The following CDYL variants were observed in gnomAD, a reference collection of about 807,000 sequenced individuals.
CDYL encodes chromodomain Y-like protein.
CDYL carries 8 observed loss-of-function variants against 47.3 expected under a neutral mutation model. The ratio of observed to expected loss-of-function variants is 0.17; its 90% CI spans 0.10 to 0.31. The LOEUF (loss-of-function observed/expected upper bound fraction) is 0.31, where lower values mean the gene tolerates loss of function less well. Ranked by LOEUF, CDYL falls within the 10% of genes least tolerant of loss-of-function variation. The pLI is 1.00. For missense variants in CDYL, 471 were observed against 701.4 expected (o/e 0.67, Z 3.71); for synonymous variants, 266 against 265.0 (o/e 1.00, Z -0.04).
At chr6:4,771,956 G>A (rs1758344168), upstream of CDYL, among the ~76,000 whole-genome samples, 1 of 152,050 alleles carries the variant, frequency 6.6e-6, no homozygotes, top group African/African-American at 2.4e-5. Flanking sequence ...CCAAAAATGG[G>A]GTAATGTATA....
At chr6:4,710,006 T>C (rs1461352517) in intron 1 of CDYL, among the ~76,000 whole-genome samples, 1 of 152,058 alleles carries the variant, frequency 6.6e-6, no homozygotes, top group Non-Finnish European at 1.5e-5. Context: ...AGATTGTCTG[T>C]GTTCAGGAGT....
chr6:4,832,559 T>C (rs1276998101), intron 1 of CDYL, among the ~76,000 whole-genome samples: 4 of 150,602 alleles, frequency 2.7e-5, no homozygotes, highest in East Asian at 1.9e-4. Context: ...TGTCTCTGCC[T>C]GGCTTTGGTA....
intron 1 of CDYL, among the ~76,000 whole-genome samples, chr6:4,818,716 A>G (rs924771766): frequency 1.3e-5 from 2 of 152,200 alleles, no homozygotes; most frequent in African/African-American, 4.8e-5. Context: ...AGGGAGGCAC[A>G]GTTGTATTCC....
chr6:4,904,763 G>A (rs565097330), intron 2 of CDYL, among the ~76,000 whole-genome samples: 3 of 152,270 alleles, frequency 2.0e-5, no homozygotes, highest in Admixed American at 6.5e-5. Context: ...GAGAGGGAGC[G>A]TGTTGCCAGG....
In CDYL at chr6:4,739,520, C is replaced by CAA. The variant is rs34838574; in HGVS notation, c.186+4691_186+4692dup. ...GGGTGACAAGAGTAAAACTCTGACT[C>CAA]AAAAAAAAAAAAAAAAGTTGAGTAA... On this transcript the variant is annotated intron_variant, in intron 3 of 8. Transcript: ENST00000328908. Among the ~76,000 whole-genome samples the CAA allele has an allele frequency of 5.2e-4, 42 of 80,302 alleles. 1 individual carries two copies. The highest frequency in any genetic ancestry group is 2.3e-3 in the East Asian group (7 of 2,996). The allele number at this position is 80,302 out of a possible 152,430, so 52.7% of individuals were successfully genotyped here.
In CDYL at chr6:4,751,000, C is replaced by G. The variant is rs375226315; in HGVS notation, c.186+16156C>G. ...CCCGAGTAGCTGGGACTACAGGCAC[C>G]CGCCACCACGCCCGGCTAATTTTTT... On this transcript the variant is annotated intron_variant, in intron 3 of 8. Transcript: ENST00000328908. Among the ~76,000 whole-genome samples the G allele has an allele frequency of 3.2e-3, 490 of 151,494 alleles. 20 individuals are homozygous for G. The South Asian group carries it at 0.075, about 23-fold the overall frequency.
chr6:4,797,328 C>T (rs113575948), intron 1 of CDYL, among the ~76,000 whole-genome samples: 1,550 of 152,086 alleles, frequency 0.01, 38 homozygotes, highest in African/African-American at 0.035. Context: ...TTAAATTTCC[C>T]GACATTTCAT....
intron 2 of CDYL, among the ~76,000 whole-genome samples, chr6:4,934,249 T>TG (rs1161643572): frequency 6.6e-6 from 1 of 152,170 alleles, no homozygotes; most frequent in African/African-American, 2.4e-5. Context: ...GATCAGGCTG[T>TG]GGGGGGCTTT....
At chr6:4,882,744 A>T (rs1027159571) in intron 1 of CDYL, among the ~76,000 whole-genome samples, 4 of 152,216 alleles carry the variant, frequency 2.6e-5, no homozygotes, top group Non-Finnish European at 5.9e-5. Flanking sequence ...AGGGATGTGC[A>T]GCCCTGTCGA....
chr6:4,874,358 T>C (rs1408076906), intron 1 of CDYL, among the ~76,000 whole-genome samples: 1 of 152,194 alleles, frequency 6.6e-6, no homozygotes, highest in Non-Finnish European at 1.5e-5. Context: ...TTATTCAGTG[T>C]TTCTGTTCAG....
intron 2 of CDYL, among the ~76,000 whole-genome samples, chr6:4,908,894 T>C (rs528210125): frequency 6.6e-6 from 1 of 152,338 alleles, no homozygotes; most frequent in Admixed American, 6.5e-5. Context: ...ATTCTGCCTG[T>C]CTGTTGAGAG....
chr6:4,777,105 G>A (rs1758485848), intron 1 of CDYL, among the ~76,000 whole-genome samples: 3 of 150,646 alleles, frequency 2.0e-5, no homozygotes, highest in Admixed American at 2.0e-4. Flanking sequence ...TCTTGGCGTG[G>A]GTCGTGGAAG....
chr6:4,849,749 C>T lies in CDYL; in HGVS notation c.25-41964C>T, dbSNP rs560473105. Among the ~76,000 whole-genome samples, 6 of 151,470 alleles carry T rather than the reference C, an allele frequency of 4.0e-5. No homozygotes were observed. The South Asian group carries it at 1.3e-3, about 32-fold the overall frequency. ...TCAGAAAATTCTTACTTCTTTTGCA[C>T]CTGTTAAGTGCCAGGCACTTAAAAG... On this transcript the variant is annotated intron_variant, in intron 1 of 6. Coordinates refer to ENST00000397588, the MANE Select transcript of CDYL (RefSeq NM_004824.4).
chr6:4,712,152 A>G (rs1309240850), intron 1 of CDYL, among the ~76,000 whole-genome samples: 2 of 152,212 alleles, frequency 1.3e-5, no homozygotes, highest in African/African-American at 4.8e-5. Context: ...AGCAACCTTT[A>G]TAAACCAATG....
chr6:4,850,538 A>G (rs1037422039), intron 1 of CDYL, among the ~76,000 whole-genome samples: 2 of 152,224 alleles, frequency 1.3e-5, no homozygotes, highest in African/African-American at 4.8e-5. Context: ...CTTAATTTTA[A>G]AAGTATTCAT....
chr6:4,723,052 C>T (rs1326554397), intron 2 of CDYL, among the ~76,000 whole-genome samples: 2 of 152,108 alleles, frequency 1.3e-5, no homozygotes, highest in Non-Finnish European at 2.9e-5. Flanking sequence ...GTACAGGCAG[C>T]CCTTCATACC....
intron 1 of CDYL, among the ~76,000 whole-genome samples, chr6:4,851,532 G>T (rs1264448938): frequency 1.3e-5 from 2 of 152,096 alleles, no homozygotes; most frequent in Non-Finnish European, 2.9e-5. Context: ...GAGTCTGGGG[G>T]CTCTCTCTGT....
chr6:4,833,100 C>A (rs1417745755), intron 1 of CDYL, among the ~76,000 whole-genome samples: 6 of 143,214 alleles, frequency 4.2e-5, no homozygotes, highest in Non-Finnish European at 9.1e-5. Flanking sequence ...TTAGTTATTT[C>A]TTGCCTTCTG....
At chr6:4,783,050 T>C (rs904863159) in intron 1 of CDYL, among the ~76,000 whole-genome samples, 12 of 152,202 alleles carry the variant, frequency 7.9e-5, no homozygotes, top group Admixed American at 7.2e-4. Context: ...TGCTTTCTTA[T>C]TGCCCATGAA....
Sources: gnomAD v4.1 joint callset for allele counts (sites outside exome capture counted in the v4.1 genomes callset) on GRCh38, gnomAD v4.1.1 for gene constraint, MANE v1.5 for transcripts, NCBI Gene and HGNC (gene_info 2026-07-23, HGNC 2026-07-21) for gene names.